Variants in TOR1A observed in about 807,000 individuals in gnomAD.
TOR1A encodes torsin-1A.
Under a neutral mutation model 31.4 loss-of-function variants are expected in TOR1A, and 18 were observed. The observed-to-expected ratio is 0.57, with a 90% CI of 0.40 to 0.85. TOR1A has a LOEUF of 0.85. TOR1A is among the 40% of genes least tolerant of loss of function. The pLI, the probability that TOR1A is intolerant of heterozygous loss-of-function variation, is 0.00. For synonymous variants in TOR1A, 168 were observed against 165.9 expected (o/e 1.01, Z -0.10); for missense variants, 375 against 416.4 (o/e 0.90, Z 0.87).
intron 2 of TOR1A, among the ~76,000 whole-genome samples, chr9:129,819,964 AAAATAAAATAAAATAAAT>A (rs2031143554): frequency 6.7e-6 from 1 of 149,552 alleles, no homozygotes; most frequent in Non-Finnish European, 1.5e-5. Flanking sequence ...ATAAATAAAT[AAAATAAAATAAAATAAAT>A]AAATAAAATA....
intron 2 of TOR1A, chr9:129,822,349 G>A (rs1025528940): frequency 6.6e-6 from 4 of 604,490 alleles, no homozygotes; most frequent in African/African-American, 1.8e-5. Flanking sequence ...AAAATCCCAT[G>A]ACCCTACATA....
chr9:129,824,042 G>A lies in TOR1A; in HGVS notation c.44C>T (p.Pro15Leu). ...GGGCTCCACCGCCTGCACCACGGAC[G>A]GCGCCAGCAGCAGCAGGCCCAGCAC... ...RAVLGLLLLA[P>L]SVVQAVEPIS... Residue 15 changes from proline (P) to leucine (L), a missense_variant, in exon 1 of 5, where the codon CCG becomes CTG. By Grantham distance (98) the Pro-to-Leu change is moderately conservative. Transcript: ENST00000351698. The A allele has an allele frequency of 3.1e-6, 5 of 1,605,646 alleles. No homozygotes were observed. The highest frequency in any genetic ancestry group is 1.1e-5 in the South Asian group (1 of 90,084).
chr9:129,819,328 A>G (rs2131005058), intron 2 of TOR1A, among the ~76,000 whole-genome samples: 1 of 152,282 alleles, frequency 6.6e-6, no homozygotes, highest in East Asian at 1.9e-4. Flanking sequence ...TTTATTTAAA[A>G]AGGGGGTGGG....
rs749398276 is a variant in TOR1A, at chr9:129,818,554, G to A, written c.714C>T (p.His238=). 3.7e-6 allele frequency: 6 copies of A among 1,614,154 alleles called. No homozygotes were observed. The highest frequency in any genetic ancestry group is 2.2e-5 in the East Asian group (1 of 44,890). ...TATTGAAAACCGACACAGACAACGCGTGTTCAATGTCTTTGAGCTTGATGT... is the reference window on the plus strand; with the variant it reads ...TATTGAAAACCGACACAGACAACGCATGTTCAATGTCTTTGAGCTTGATGT... ...REDIKLKDIE[H]ALSVSVFNNK... The change falls in exon 4 of 5, where the codon CAC becomes CAT. Residue 238 remains histidine (H), a synonymous_variant. Coordinates refer to ENST00000351698, the MANE Select transcript of TOR1A (RefSeq NM_000113.3).
rs2030969623 is a variant in TOR1A at position 129,814,107 on chromosome 9, T to G, written c.864A>C (p.Arg288=). The G allele has an allele frequency of 6.2e-7, 1 of 1,614,068 alleles. No homozygotes were observed. Among genetic ancestry groups the G allele is most frequent in the Admixed American group, 1.7e-5 (1 of 60,002 alleles). Residue 288 remains arginine, a synonymous_variant, in exon 5 of 5, where the codon CGA becomes CGC. Coordinates refer to ENST00000351698, the MANE Select transcript of TOR1A (RefSeq NM_000113.3). ...CAATGTCTTCATCAATTTCATAGCC[T>G]CGGGACTGCATTTCCACTCGGATAC... The part of the protein sequence containing the change: ...KMCIRVEMQS[R]GYEIDEDIVS...
intron 4 of TOR1A, 167 bp downstream of exon 4, chr9:129,818,353 C>T: frequency 9.7e-7 from 1 of 1,025,694 alleles, no homozygotes; most frequent in Non-Finnish European, 1.5e-6. Flanking sequence ...TAAAAGTTAC[C>T]TGGAGTTCAT....
chr9:129,818,385 C>T (rs775860825), intron 4 of TOR1A, 135 bp downstream of exon 4: 2 of 1,374,730 alleles, frequency 1.5e-6, no homozygotes, highest in South Asian at 1.2e-5. Context: ...CCCCTCATGA[C>T]TCGGAAGGGG....
chr9:129,817,276 C>CTGT (rs1282319116), intron 4 of TOR1A, among the ~76,000 whole-genome samples: 1 of 152,212 alleles, frequency 6.6e-6, no homozygotes, highest in East Asian at 1.9e-4. Context: ...CGCTATTTGG[C>CTGT]TGTTGCTCTT....
Position 129,813,265 on chromosome 9 carries a change from A to C in TOR1A, c.*707T>G, listed in dbSNP as rs1285527286. ...TCTAACAAATGTTGACAGTGTGGCCAAAATCACTCCCACAGCTCCCATTGT... is the reference window on the plus strand; with the variant it reads ...TCTAACAAATGTTGACAGTGTGGCCCAAATCACTCCCACAGCTCCCATTGT... On this transcript the variant is annotated 3_prime_UTR_variant, in exon 5 of 5. Coordinates refer to ENST00000351698, the MANE Select transcript of TOR1A (RefSeq NM_000113.3). The C allele has an allele frequency of 6.5e-6, 1 of 152,922 alleles. No individual in the cohort carries two copies. The highest frequency in any genetic ancestry group is 2.4e-5 in the African/African-American group (1 of 41,470). The allele number at this position is 152,922 out of a possible 1,614,324, so 9.5% of individuals were successfully genotyped here. A position where few individuals can be genotyped will look rare whatever the true frequency, so the allele number is the denominator to read the frequency against.
intron 2 of TOR1A, chr9:129,821,650 C>CG (rs2031186663): frequency 6.6e-6 from 1 of 151,288 alleles, no homozygotes; most frequent in Admixed American, 6.6e-5. Context: ...TCCTAGCACT[C>CG]TGGGAGGCTG....
In TOR1A at chr9:129,823,077, A is replaced by T. The variant is rs62584846; in HGVS notation, c.179-231T>A. On this transcript the variant is annotated intron_variant, in intron 1 of 4. Coordinates refer to ENST00000351698, the MANE Select transcript of TOR1A (RefSeq NM_000113.3). ...GCCCTGGCCCGACTCCTTCCCGAAAAGCCCCTTGGTGCCACTGCCACTGCC... is the reference window on the plus strand; with the variant it reads ...GCCCTGGCCCGACTCCTTCCCGAAATGCCCCTTGGTGCCACTGCCACTGCC... Among the ~76,000 whole-genome samples the T allele has an allele frequency of 0.082, 12,513 of 152,064 alleles. 586 individuals are homozygous for T. The highest frequency in any genetic ancestry group is 0.14 in the Middle Eastern group (41 of 294).
rs760621546 is a variant in TOR1A, at chr9:129,818,835, G to A, written c.530C>T (p.Ala177Val). 1.1e-5 allele frequency: 17 copies of A among 1,613,884 alleles called. No individual in the cohort carries two copies. The highest frequency in any genetic ancestry group is 1.4e-5 in the Non-Finnish European group (17 of 1,180,032). ...AGGCTTGATGGCATCTATGAGGCCTGCATGCATCTTATCCATTTCATCAAA... is the reference window on the plus strand; with the variant it reads ...AGGCTTGATGGCATCTATGAGGCCTACATGCATCTTATCCATTTCATCAAA... ...FIFDEMDKMH[A>V]GLIDAIKPFL... The change falls in exon 3 of 5, where the codon GCA becomes GTA. Residue 177 changes from alanine (A) to valine (V), a missense_variant. Coordinates refer to ENST00000351698, the MANE Select transcript of TOR1A (RefSeq NM_000113.3).
At chr9:129,822,292 A>C (rs2031202170) in intron 2 of TOR1A, 1 of 453,666 alleles carries the variant, frequency 2.2e-6, no homozygotes. Context: ...TAAAAAAATG[A>C]GTGAGATGTG....
intron 2 of TOR1A, chr9:129,821,882 A>C (rs949833823): frequency 6.5e-6 from 1 of 153,464 alleles, no homozygotes; most frequent in Admixed American, 6.5e-5. Context: ...CAACAGAGTG[A>C]GACCCTGACT....
At chr9:129,817,662 G>A (rs547419680) in intron 4 of TOR1A, among the ~76,000 whole-genome samples, 1 of 146,806 alleles carries the variant, frequency 6.8e-6, no homozygotes, top group East Asian at 2.0e-4. Flanking sequence ...TCGCGCCACT[G>A]CACTCCAGCC....
intron 4 of TOR1A, among the ~76,000 whole-genome samples, chr9:129,814,642 T>C (rs905640605): frequency 1.1e-4 from 17 of 151,372 alleles, no homozygotes; most frequent in Admixed American, 4.6e-4. Context: ...CACGGCGGGC[T>C]GGGGGAGGCC....
At chr9:129,816,240 C>T (rs1449672603) in intron 4 of TOR1A, among the ~76,000 whole-genome samples, 3 of 152,166 alleles carry the variant, frequency 2.0e-5, no homozygotes, top group Non-Finnish European at 4.4e-5. Flanking sequence ...CCACATGGCT[C>T]ACTCCCCCGG....
At chr9:129,822,335 C>T (rs542435985) in intron 2 of TOR1A, 1 of 567,502 alleles carries the variant, frequency 1.8e-6, no homozygotes, top group East Asian at 3.3e-5. Context: ...TCATGTCCAC[C>T]TCTAAAATCC....
chr9:129,818,719 C>T (rs2131004608), intron 3 of TOR1A, 26 bp downstream of exon 3: 1 of 1,613,770 alleles, frequency 6.2e-7, no homozygotes, highest in East Asian at 2.2e-5. Flanking sequence ...CGGGGCCCAT[C>T]CATCATGTCC....
Sources: allele counts gnomAD v4.1 joint callset (sites outside exome capture counted in the v4.1 genomes callset), GRCh38; gene constraint gnomAD v4.1.1; transcripts MANE v1.5; gene names NCBI Gene and HGNC (gene_info 2026-07-23, HGNC 2026-07-21).